TEX11: variants seen among roughly 807,000 people sequenced by gnomAD.
TEX11 encodes testis-expressed protein 11.
Under a neutral mutation model 84.4 loss-of-function variants are expected in TEX11, and 7 were observed. The observed-to-expected ratio is 0.08, with a 90% CI of 0.05 to 0.16. TEX11 has a LOEUF of 0.16. TEX11 is among the 10% of genes least tolerant of loss of function. The pLI, the probability that TEX11 is intolerant of heterozygous loss-of-function variation, is 1.00. For missense variants in TEX11, 551 were observed against 660.5 expected (o/e 0.83, Z 1.82); for synonymous variants, 264 against 222.8 (o/e 1.18, Z -1.64).
intron 20 of TEX11, among the ~76,000 whole-genome samples, chrX:70,617,793 T>C (rs1259630668): frequency 9.0e-6 from 1 of 111,245 alleles, no homozygotes; most frequent in Non-Finnish European, 1.9e-5. Flanking sequence ...AACTCCATAA[T>C]AAAATGGAAG....
chrX:70,808,613 A>G (rs61093131), intron 8 of TEX11, among the ~76,000 whole-genome samples: 7,944 of 108,644 alleles, frequency 0.073, 248 homozygotes, highest in East Asian at 0.12. Context: ...AGGGATGAAT[A>G]CTCCATTTTC....
chrX:70,707,102 T>C (rs1245902530), intron 13 of TEX11, among the ~76,000 whole-genome samples: 1 of 110,789 alleles, frequency 9.0e-6, no homozygotes, highest in Non-Finnish European at 1.9e-5. Flanking sequence ...TATGCTATAG[T>C]CCCTACCACA....
intron 13 of TEX11, among the ~76,000 whole-genome samples, chrX:70,719,010 A>C (rs745425992): frequency 5.4e-5 from 6 of 111,322 alleles, no homozygotes; most frequent in Non-Finnish European, 1.1e-4. Context: ...CCTCCATCTC[A>C]AAATTTGCTT....
chrX:70,526,638 C>T (rs754738366), downstream of TEX11, among the ~76,000 whole-genome samples: 1 of 111,003 alleles, frequency 9.0e-6, no homozygotes, highest in Admixed American at 9.6e-5. Context: ...TATGTGTGCA[C>T]GTATACATAT....
intron 5 of TEX11, 37 bp from the exon 6 acceptor site, chrX:70,853,365 T>G: frequency 1.0e-6 from 1 of 995,661 alleles, no homozygotes; most frequent in Non-Finnish European, 1.4e-6. Context: ...TTTTAAAAAT[T>G]CATACCTCCC....
chrX:70,662,587 A>C (rs1442140632), intron 16 of TEX11, among the ~76,000 whole-genome samples: 1 of 111,563 alleles, frequency 9.0e-6, no homozygotes, highest in Non-Finnish European at 1.9e-5. Flanking sequence ...GTTGAAATGA[A>C]GGAAAAAATG....
intron 16 of TEX11, 77 bp from the exon 17 acceptor site, chrX:70,651,629 G>T: frequency 1.3e-6 from 1 of 765,122 alleles, no homozygotes; most frequent in Non-Finnish European, 1.9e-6. Context: ...TATCATTAAG[G>T]TAGTCAAAAT....
intron 4 of TEX11, among the ~76,000 whole-genome samples, chrX:70,869,113 A>G (rs756085028): frequency 1.0e-5 from 1 of 99,786 alleles, no homozygotes; most frequent in South Asian, 4.2e-4. Flanking sequence ...AAAATAAAAT[A>G]AAACAAAATA....
intron 16 of TEX11, among the ~76,000 whole-genome samples, chrX:70,654,300 A>G (rs1056164512): frequency 8.9e-6 from 1 of 111,943 alleles, no homozygotes; most frequent in Non-Finnish European, 1.9e-5. Flanking sequence ...AAAACTCTCT[A>G]TATTTCCTAC....
intron 2 of TEX11, among the ~76,000 whole-genome samples, chrX:70,889,434 T>C (rs1456698638): frequency 9.1e-6 from 1 of 110,137 alleles, no homozygotes; most frequent in East Asian, 2.8e-4. Context: ...AAAAATTATC[T>C]TGAGGTACAA....
intron 9 of TEX11, among the ~76,000 whole-genome samples, chrX:70,773,919 A>T (rs377501439): frequency 1.8e-5 from 2 of 111,148 alleles, no homozygotes; most frequent in African/African-American, 6.5e-5. Context: ...AGACTCCCCA[A>T]TGCAGAGAAA....
chrX:70,624,387 C>T (rs1299368251), intron 19 of TEX11, among the ~76,000 whole-genome samples: 1 of 111,642 alleles, frequency 9.0e-6, no homozygotes, highest in Non-Finnish European at 1.9e-5. Context: ...GGGTCTCAAA[C>T]TGGGATCACT....
At chrX:70,668,348 A>C (rs1489431655) in intron 16 of TEX11, among the ~76,000 whole-genome samples, 1 of 112,276 alleles carries the variant, frequency 8.9e-6, no homozygotes, top group African/African-American at 3.2e-5. Flanking sequence ...AAAGCTAACA[A>C]AGGTTAGACA....
intron 8 of TEX11, among the ~76,000 whole-genome samples, chrX:70,826,017 A>T (rs2091343623): frequency 9.3e-6 from 1 of 107,670 alleles, no homozygotes; most frequent in African/African-American, 3.4e-5. Context: ...CTTATAAGAG[A>T]TGTTGGCCTG....
intron 13 of TEX11, among the ~76,000 whole-genome samples, chrX:70,715,474 G>A (rs2090488746): frequency 1.8e-5 from 2 of 111,625 alleles, no homozygotes; most frequent in Non-Finnish European, 1.9e-5. Context: ...ATATTTCTTG[G>A]AGGCTTTTTT....
chrX:70,568,242 G>C (rs2147965449), intron 25 of TEX11, among the ~76,000 whole-genome samples: 1 of 111,134 alleles, frequency 9.0e-6, no homozygotes, highest in East Asian at 2.8e-4. Flanking sequence ...GCCTTTGTTT[G>C]TTTTCCATTT....
intron 25 of TEX11, among the ~76,000 whole-genome samples, chrX:70,589,486 T>C (rs1007388762): frequency 4.5e-5 from 5 of 110,569 alleles, no homozygotes; most frequent in Non-Finnish European, 3.8e-5. Flanking sequence ...AAGAAATTCA[T>C]TTTTTTTGGT....
intron 9 of TEX11, among the ~76,000 whole-genome samples, chrX:70,775,090 T>C (rs1354530274): frequency 3.6e-5 from 4 of 111,692 alleles, no homozygotes; most frequent in African/African-American, 1.3e-4. Context: ...ATCAAGAACA[T>C]AAATTGGTCT....
At chrX:70,586,301 A>C (rs1207701766) in intron 25 of TEX11, among the ~76,000 whole-genome samples, 1 of 112,626 alleles carries the variant, frequency 8.9e-6, no homozygotes, top group Non-Finnish European at 1.9e-5. Context: ...AGCACAAGCA[A>C]CAAAAGAAAA....
Sources: gnomAD v4.1 joint callset for allele counts (sites outside exome capture counted in the v4.1 genomes callset) on GRCh38, gnomAD v4.1.1 for gene constraint, MANE v1.5 for transcripts, NCBI Gene and HGNC (gene_info 2026-07-23, HGNC 2026-07-21) for gene names.